Variants in MAGI3 observed in about 807,000 individuals in gnomAD.
MAGI3 encodes the protein membrane associated guanylate kinase, WW and PDZ domain containing 3, also known as membrane-associated guanylate kinase, WW and PDZ domain-containing protein 3.
In MAGI3, 43 loss-of-function variants were observed where a neutral mutation model predicts 121.8. That is an observed-to-expected ratio of 0.35 (90% CI 0.28 to 0.46). The LOEUF is 0.46. MAGI3 is among the 20% of genes least tolerant of loss of function. The pLI is 1.00. For missense variants in MAGI3, 1,547 were observed against 1,797.3 expected (o/e 0.86, Z 2.52); for synonymous variants, 553 against 639.3 (o/e 0.86, Z 2.04).
chr1:113,568,164 A>G (rs1660510618), intron 2 of MAGI3, among the ~76,000 whole-genome samples: 1 of 152,066 alleles, frequency 6.6e-6, no homozygotes, highest in Non-Finnish European at 1.5e-5. Flanking sequence ...AGTTCACATA[A>G]TTGTACTATT....
intron 8 of MAGI3, among the ~76,000 whole-genome samples, chr1:113,622,114 AT>A (rs1252771467): frequency 2.0e-5 from 3 of 152,218 alleles, no homozygotes; most frequent in Non-Finnish European, 4.4e-5. Flanking sequence ...ATCTCAATAA[AT>A]TTGTTAAAAA....
chr1:113,426,314 A>G (rs1350165070), intron 1 of MAGI3, among the ~76,000 whole-genome samples: 4 of 152,210 alleles, frequency 2.6e-5, no homozygotes, highest in African/African-American at 7.2e-5. Context: ...TTTCAGGCCC[A>G]AGATATGGCC....
intron 11 of MAGI3, among the ~76,000 whole-genome samples, chr1:113,644,297 T>C (rs992034926): frequency 6.6e-6 from 1 of 152,164 alleles, no homozygotes; most frequent in African/African-American, 2.4e-5. Context: ...TATTTATTTT[T>C]TGAGACGGAG....
At chr1:113,670,473 G>A (rs931336592) in intron 16 of MAGI3, among the ~76,000 whole-genome samples, 1 of 152,112 alleles carries the variant, frequency 6.6e-6, no homozygotes, top group Non-Finnish European at 1.5e-5. Flanking sequence ...TTTAACATGA[G>A]ATTTTCACTA....
At chr1:113,536,184 A>G (rs1376514089) in intron 1 of MAGI3, among the ~76,000 whole-genome samples, 1 of 151,660 alleles carries the variant, frequency 6.6e-6, no homozygotes, top group Non-Finnish European at 1.5e-5. Context: ...AGACAGTATG[A>G]ATCTAACTGT....
chr1:113,533,995 G>A (rs1188827349), intron 1 of MAGI3, among the ~76,000 whole-genome samples: 2 of 151,730 alleles, frequency 1.3e-5, no homozygotes, highest in Non-Finnish European at 2.9e-5. Context: ...CTCCTGCAGG[G>A]ACACCTATAA....
At chr1:113,393,285 C>G (rs1011996798) in intron 1 of MAGI3, among the ~76,000 whole-genome samples, 1 of 152,110 alleles carries the variant, frequency 6.6e-6, no homozygotes, top group African/African-American at 2.4e-5. Flanking sequence ...AGACACTGTT[C>G]TATTTTAAAG....
chr1:113,427,092 G>A (rs1653050376), intron 1 of MAGI3, among the ~76,000 whole-genome samples: 1 of 152,168 alleles, frequency 6.6e-6, no homozygotes. Flanking sequence ...TTTGTGGGCT[G>A]TGATTTCAAT....
intron 1 of MAGI3, among the ~76,000 whole-genome samples, chr1:113,487,510 A>G (rs1656440282): frequency 6.6e-6 from 1 of 152,200 alleles, no homozygotes; most frequent in African/African-American, 2.4e-5. Flanking sequence ...CCACAAGCTT[A>G]GTGTTCCAGT....
chr1:113,474,630 T>C (rs1053290163), intron 1 of MAGI3, among the ~76,000 whole-genome samples: 16 of 152,206 alleles, frequency 1.1e-4, no homozygotes, highest in Admixed American at 3.9e-4. Flanking sequence ...TATATATCTG[T>C]TTTGGTACCA....
chr1:113,410,714 A>G (rs1259852300), intron 1 of MAGI3, among the ~76,000 whole-genome samples: 1 of 152,012 alleles, frequency 6.6e-6, no homozygotes, highest in African/African-American at 2.4e-5. Context: ...TGTTAACTAT[A>G]CAGGAAACTT....
intron 1 of MAGI3, among the ~76,000 whole-genome samples, chr1:113,544,133 T>TGATTTATTATTTTTTAGG (rs1659421236): frequency 2.0e-5 from 3 of 152,192 alleles, no homozygotes; most frequent in African/African-American, 7.2e-5. Flanking sequence ...GTAGACAGTT[T>TGATTTATTATTTTTTAGG]GATTTATTAT....
chr1:113,558,984 C>G (rs1383030893), intron 2 of MAGI3, among the ~76,000 whole-genome samples: 1 of 152,162 alleles, frequency 6.6e-6, no homozygotes, highest in Non-Finnish European at 1.5e-5. Context: ...ATATCCTTTA[C>G]AGACAAGCAA....
chr1:113,453,309 A>T (rs890408123), intron 1 of MAGI3, among the ~76,000 whole-genome samples: 4 of 152,136 alleles, frequency 2.6e-5, no homozygotes, highest in African/African-American at 9.7e-5. Context: ...CCTGTTTCCA[A>T]TTCAAATTTC....
chr1:113,479,471 T>C (rs1656011295), intron 1 of MAGI3, among the ~76,000 whole-genome samples: 1 of 152,222 alleles, frequency 6.6e-6, no homozygotes, highest in Non-Finnish European at 1.5e-5. Flanking sequence ...AATATACTCA[T>C]GGTCTTAAAA....
chr1:113,580,318 A>G (rs1330825276), intron 2 of MAGI3, among the ~76,000 whole-genome samples: 3 of 86,800 alleles, frequency 3.5e-5, no homozygotes, highest in Non-Finnish European at 7.9e-5. Context: ...TAGGATAACT[A>G]CTTTAAAATA....
At chr1:113,524,571 T>C (rs1406810916) in intron 1 of MAGI3, among the ~76,000 whole-genome samples, 1 of 152,082 alleles carries the variant, frequency 6.6e-6, no homozygotes. Flanking sequence ...CATGGGGTCT[T>C]TAGCCCCTTT....
intron 2 of MAGI3, among the ~76,000 whole-genome samples, chr1:113,565,050 A>G (rs113145407): frequency 0.065 from 9,871 of 151,842 alleles, 361 homozygotes; most frequent in Non-Finnish European, 0.075. Context: ...GGGTTTCACC[A>G]TGTTGGCCAG....
At chr1:113,677,952 G>T (rs1048705191) in intron 19 of MAGI3, among the ~76,000 whole-genome samples, 5 of 152,098 alleles carry the variant, frequency 3.3e-5, no homozygotes, top group Non-Finnish European at 7.4e-5. Context: ...TTTTTCATCT[G>T]TAGTTTTGTG....
Sources: gnomAD v4.1 joint callset for allele counts (sites outside exome capture counted in the v4.1 genomes callset) on GRCh38, gnomAD v4.1.1 for gene constraint, MANE v1.5 for transcripts, NCBI Gene and HGNC (gene_info 2026-07-23, HGNC 2026-07-21) for gene names.